The following FOXP1 variants were observed in gnomAD, a reference collection of about 807,000 sequenced individuals.
The protein encoded by FOXP1 is forkhead box protein P1.
A neutral mutation model predicts 98.2 loss-of-function variants in FOXP1; 15 were observed. The ratio of observed to expected loss-of-function variants is 0.15; its 90% CI spans 0.10 to 0.24. FOXP1 has a LOEUF of 0.24. Among genes scored for constraint, FOXP1 ranks in the 10% least tolerant of loss-of-function variants. FOXP1 has a pLI of 1.00. For missense variants in FOXP1, 633 were observed against 848.5 expected (o/e 0.75, Z 3.15); for synonymous variants, 371 against 314.5 (o/e 1.18, Z -1.90).
intron 19 of FOXP1, chr3:70,966,343 C>T (rs748939404): frequency 4.3e-5 from 19 of 437,410 alleles, no homozygotes; most frequent in Admixed American, 6.9e-5. Flanking sequence ...GACGGGCTTT[C>T]GAATATGAGG....
rs75547978 is a variant in FOXP1 at position 71,385,494 on chromosome 3, G to A, written c.-167-26250C>T. On this transcript the variant is annotated intron_variant, in intron 3 of 20. Transcript: ENST00000649528. ...CTGCCCCAATCAGCTGCTCTGGGGA[G>A]AGACTGACGCCTACCCCACTCTTCC... 1.0e-2 allele frequency among the ~76,000 whole-genome samples: 1,522 copies of A among 152,286 alleles called. 18 individuals are homozygous for A. Among genetic ancestry groups the A allele is most frequent in the Non-Finnish European group, 0.017 (1,150 of 68,016 alleles).
intron 12 of FOXP1, among the ~76,000 whole-genome samples, chr3:71,001,817 G>A (rs928146903): frequency 1.3e-5 from 2 of 152,156 alleles, no homozygotes; most frequent in African/African-American, 4.8e-5. Context: ...GGTAATCAGA[G>A]GGCTGAATCA....
chr3:71,304,419 T>C (rs968074475), intron 4 of FOXP1, among the ~76,000 whole-genome samples: 2 of 152,210 alleles, frequency 1.3e-5, no homozygotes, highest in Non-Finnish European at 2.9e-5. Context: ...GATTCACCTT[T>C]AGTGTGCAAT....
chr3:71,380,780 T>C (rs192957084), intron 3 of FOXP1, among the ~76,000 whole-genome samples: 1 of 151,350 alleles, frequency 6.6e-6, no homozygotes, highest in Non-Finnish European at 1.5e-5. Context: ...ATGCATCTCT[T>C]CTGTGGCCTT....
Position 70,958,374 on chromosome 3 carries a change from C to A in FOXP1, c.*873G>T. On this transcript the variant is annotated 3_prime_UTR_variant, in exon 21 of 21. Coordinates refer to ENST00000649528, the MANE Select transcript of FOXP1 (RefSeq NM_001349338.3). The stretch of plus-strand genomic sequence containing the variant: ...CGTCACGTCTGTGTGAGAGGGCCTT[C>A]ATGTGTAGAGTGCAGCATTTGGGAC... The A allele has an allele frequency of 1.9e-6, 1 of 529,998 alleles. No homozygotes were observed. Among genetic ancestry groups the A allele is most frequent in the Non-Finnish European group, 3.6e-6 (1 of 274,306 alleles). 32.8% of individuals were successfully genotyped at this position (529,998 alleles called of 1,614,324 possible).
chr3:71,204,649 G>C (rs747271918), intron 5 of FOXP1, among the ~76,000 whole-genome samples: 1 of 152,124 alleles, frequency 6.6e-6, no homozygotes, highest in African/African-American at 2.4e-5. Flanking sequence ...TGGTGGAGGG[G>C]ATGACAAATG....
chr3:71,137,564 C>G (rs528821839), intron 6 of FOXP1, among the ~76,000 whole-genome samples: 1 of 152,234 alleles, frequency 6.6e-6, no homozygotes, highest in South Asian at 2.1e-4. Context: ...TTGTTGATAA[C>G]TGATGCAGCC....
chr3:71,180,975 T>C (rs891917965), intron 6 of FOXP1, among the ~76,000 whole-genome samples: 2 of 152,190 alleles, frequency 1.3e-5, no homozygotes, highest in African/African-American at 4.8e-5. Context: ...AAATGGTAAA[T>C]TGGGGCACTA....
chr3:71,264,716 A>AAT (rs2069474497), intron 5 of FOXP1, among the ~76,000 whole-genome samples: 1 of 152,040 alleles, frequency 6.6e-6, no homozygotes, highest in Non-Finnish European at 1.5e-5. Context: ...AACCATTATC[A>AAT]CCCTGTAGTT....
intron 2 of FOXP1, among the ~76,000 whole-genome samples, chr3:71,519,136 C>G (rs2042793092): frequency 1.3e-5 from 2 of 152,176 alleles, no homozygotes; most frequent in Admixed American, 6.5e-5. Context: ...TTGCCAGCTA[C>G]TCAGAAGGCC....
chr3:71,448,290 C>T (rs542779942), intron 3 of FOXP1, among the ~76,000 whole-genome samples: 1 of 152,308 alleles, frequency 6.6e-6, no homozygotes, highest in South Asian at 2.1e-4. Flanking sequence ...TGTACAAAAT[C>T]CTGCTCCATT....
At chr3:71,439,321 G>A (rs2085681919) in intron 3 of FOXP1, among the ~76,000 whole-genome samples, 1 of 152,206 alleles carries the variant, frequency 6.6e-6, no homozygotes, top group Non-Finnish European at 1.5e-5. Flanking sequence ...GTGGGAATGG[G>A]AGAAAGAATC....
At chr3:71,370,576 C>T (rs747606568) in intron 3 of FOXP1, among the ~76,000 whole-genome samples, 6 of 152,136 alleles carry the variant, frequency 3.9e-5, no homozygotes, top group Admixed American at 3.3e-4. Context: ...AGGTTCCGAT[C>T]GGCACCGGGG....
intron 4 of FOXP1, chr3:71,329,635 AG>A (rs2076176033): frequency 6.6e-6 from 1 of 151,896 alleles, no homozygotes; most frequent in African/African-American, 2.4e-5. Context: ...GGGAGAAAAC[AG>A]CCAGCAATAA....
intron 5 of FOXP1, among the ~76,000 whole-genome samples, chr3:71,207,032 G>C (rs1419741378): frequency 6.6e-6 from 1 of 152,184 alleles, no homozygotes; most frequent in Non-Finnish European, 1.5e-5. Context: ...GTGCTAGGCT[G>C]TTTGCTTTGC....
intron 2 of FOXP1, among the ~76,000 whole-genome samples, chr3:71,565,449 G>T (rs183110854): frequency 2.0e-5 from 3 of 150,092 alleles, no homozygotes; most frequent in Non-Finnish European, 2.9e-5. Context: ...GGCAGTGATG[G>T]GGGGGGAGCT....
chr3:71,482,287 T>C (rs1001845635), intron 3 of FOXP1, among the ~76,000 whole-genome samples: 1 of 152,102 alleles, frequency 6.6e-6, no homozygotes, highest in African/African-American at 2.4e-5. Flanking sequence ...AGCAATATCA[T>C]CTGAGAAGCC....
At position 71,397,103 on chromosome 3, in the gene FOXP1, T is replaced by C. The variant is rs796659051; in HGVS notation, c.-167-37859A>G. On this transcript the variant is annotated intron_variant, in intron 3 of 20. Transcript: ENST00000649528. ...ATATATGTGTATATATATATATACATATATATATATGTGTATATATACACA... is the reference window on the plus strand; with the variant it reads ...ATATATGTGTATATATATATATACACATATATATATGTGTATATATACACA... 2.2e-3 allele frequency among the ~76,000 whole-genome samples: 156 copies of C among 70,382 alleles called. 5 individuals carry two copies. The highest frequency in any genetic ancestry group is 6.6e-3 in the Middle Eastern group (1 of 152). 46.2% of individuals were successfully genotyped at this position (70,382 alleles called of 152,430 possible). A position where few individuals can be genotyped will look rare whatever the true frequency, so the allele number is the denominator to read the frequency against.
intron 5 of FOXP1, among the ~76,000 whole-genome samples, chr3:71,199,864 T>A (rs1422304411): frequency 6.6e-6 from 1 of 151,770 alleles, no homozygotes; most frequent in East Asian, 1.9e-4. Context: ...GATCACGAGG[T>A]CAGGAGTTCA....
Sources: allele counts gnomAD v4.1 joint callset (sites outside exome capture counted in the v4.1 genomes callset), GRCh38; gene constraint gnomAD v4.1.1; transcripts MANE v1.5; gene names NCBI Gene and HGNC (gene_info 2026-07-23, HGNC 2026-07-21).